MFNG: variants seen among roughly 807,000 people sequenced by gnomAD.
MFNG encodes the protein MFNG O-fucosylpeptide 3-beta-N-acetylglucosaminyltransferase, also known as beta-1,3-N-acetylglucosaminyltransferase manic fringe.
A neutral mutation model predicts 34.2 loss-of-function variants in MFNG; 24 were observed. That is an observed-to-expected ratio of 0.70 (90% CI 0.51 to 0.99). MFNG has a LOEUF of 0.99. Among genes scored for constraint, MFNG ranks in the 50% least tolerant of loss-of-function variants. The probability of loss-of-function intolerance (pLI) is 0.00; values close to 1 mark genes in which losing one functional copy is unlikely to be tolerated. For synonymous variants in MFNG, 158 were observed against 179.2 expected, an observed-to-expected ratio of 0.88 and a Z score of 0.94; for missense variants, 383 against 424.0, an observed-to-expected ratio of 0.90 and a Z score of 0.85.
At chr22:37,480,838 A>G (rs1435568981) in intron 1 of MFNG, 69 bp from the exon 2 acceptor site, 2 of 1,387,112 alleles carry the variant, frequency 1.4e-6, no homozygotes, top group Non-Finnish European at 2.0e-6. Context: ...TCCACAGCCC[A>G]CCACCACCAG....
chr22:37,485,412 A>G lies in MFNG; in HGVS notation c.255+511T>C, dbSNP rs758214592. Among the ~76,000 whole-genome samples, 1 of 152,200 alleles carries G rather than the reference A, an allele frequency of 6.6e-6. No homozygotes were observed. Among genetic ancestry groups the G allele is most frequent in the Non-Finnish European group, 1.5e-5 (1 of 68,024 alleles). On this transcript the variant is annotated intron_variant, in intron 1 of 7. Transcript: ENST00000356998. This position sits in a 1 kb window ranked among gnomAD's most constrained non-coding sequence, Gnocchi z 5.3. ...GAAGGCCGAAGGGATGCCTCCCCCA[A>G]GAACAGACCCCACCATTCTCCTCCC...
Position 37,486,179 on chromosome 22 carries a change from G to C in MFNG, c.-2C>G, listed in dbSNP as rs1569159687. ...GCCCCGCGGGAGCCGGCACTGCATT[G>C]GTTGGCCCTGGGACCCCAGACAGCT... On this transcript the variant is annotated 5_prime_UTR_variant, in exon 1 of 8. Coordinates refer to ENST00000356998, the MANE Select transcript of MFNG (RefSeq NM_002405.4). 2.6e-6 allele frequency: 4 copies of C among 1,556,842 alleles called. No individual in the cohort carries two copies. The highest frequency in any genetic ancestry group is 2.3e-5 in the South Asian group (2 of 85,208).
At chr22:37,471,382 G>A (rs1921793701) in intron 7 of MFNG, among the ~76,000 whole-genome samples, 2 of 152,242 alleles carry the variant, frequency 1.3e-5, no homozygotes, top group South Asian at 4.1e-4. Flanking sequence ...CCCCATGGCT[G>A]TAGGCATGCA....
Position 37,479,328 on chromosome 22 carries a change from G to A in MFNG, c.561+17C>T. Reference sequence around the variant, plus strand: ...GATCAGCGGGCCAAGGGGCAAAGGAGGAGGAGAGGGACCCACCGTGCGGTT... The same window carrying A: ...GATCAGCGGGCCAAGGGGCAAAGGAAGAGGAGAGGGACCCACCGTGCGGTT... On this transcript the variant is annotated intron_variant, in intron 4 of 7. Transcript: ENST00000356998. 1 of 1,551,412 alleles carries A rather than the reference G, an allele frequency of 6.4e-7. No individual in the cohort carries two copies. Among genetic ancestry groups the A allele is most frequent in the Non-Finnish European group, 8.7e-7 (1 of 1,149,530 alleles).
Position 37,472,426 on chromosome 22 carries a change from C to G in MFNG, c.899+17G>C, listed in dbSNP as rs1601793339. The G allele has an allele frequency of 1.9e-6, 3 of 1,560,110 alleles. No individual in the cohort carries two copies. In the East Asian group the frequency reaches 7.4e-5, roughly 38 times the overall value. On this transcript the variant is annotated intron_variant, in intron 7 of 7. Coordinates refer to ENST00000356998, the MANE Select transcript of MFNG (RefSeq NM_002405.4). ...GCCCCCACTCCTCCCATCCAAGGTT[C>G]CAGCCCCCAGACCCACCTGGAGGGG... is the stretch of plus-strand genomic sequence containing the variant.
intron 1 of MFNG, among the ~76,000 whole-genome samples, chr22:37,481,872 T>C (rs1033675117): frequency 6.6e-6 from 1 of 152,214 alleles, no homozygotes; most frequent in Non-Finnish European, 1.5e-5. Context: ...TCCCCTCTGC[T>C]TACCTAAAAT....
intron 1 of MFNG, 66 bp from the exon 2 acceptor site, chr22:37,480,835 CCCA>C: frequency 1.4e-6 from 2 of 1,407,612 alleles, no homozygotes; most frequent in Non-Finnish European, 2.0e-6. Context: ...CAATCCACAG[CCCA>C]CCACCACCAG....
intron 7 of MFNG, among the ~76,000 whole-genome samples, chr22:37,470,497 C>A (rs1411057418): frequency 6.6e-6 from 1 of 152,240 alleles, no homozygotes; most frequent in African/African-American, 2.4e-5. Flanking sequence ...AACAGCAATT[C>A]TTAAACCTCT....
Position 37,485,016 on chromosome 22 carries a change from C to T in MFNG, c.255+907G>A, listed in dbSNP as rs1051227710. Among the ~76,000 whole-genome samples, 3 of 152,144 alleles carry T rather than the reference C, an allele frequency of 2.0e-5. No individual in the cohort carries two copies. The highest frequency in any genetic ancestry group is 4.4e-5 in the Non-Finnish European group (3 of 68,022). ...GTGTGTGTACCCATTCTCCACCTCC[C>T]CCATCAACGGTCCCTAACACCGACA... On this transcript the variant is annotated intron_variant, in intron 1 of 7. Coordinates refer to ENST00000356998, the MANE Select transcript of MFNG (RefSeq NM_002405.4). This position sits in a 1 kb window ranked among gnomAD's most constrained non-coding sequence, Gnocchi z 5.3.
At chr22:37,470,251 T>A (rs1362263304) in intron 7 of MFNG, among the ~76,000 whole-genome samples, 1 of 152,184 alleles carries the variant, frequency 6.6e-6, no homozygotes, top group Non-Finnish European at 1.5e-5. Flanking sequence ...TCCAGTAGCA[T>A]CTTCCTGAAT....
rs1040337823 is a variant in MFNG at position 37,482,900 on chromosome 22, C to T, written c.256-2131G>A. Among the ~76,000 whole-genome samples the T allele has an allele frequency of 1.3e-5, 2 of 152,212 alleles. No homozygotes were observed. Among genetic ancestry groups the T allele is most frequent in the Admixed American group, 1.3e-4 (2 of 15,276 alleles). On this transcript the variant is annotated intron_variant, in intron 1 of 7. Coordinates refer to ENST00000356998, the MANE Select transcript of MFNG (RefSeq NM_002405.4). This position sits in a 1 kb window ranked among gnomAD's most constrained non-coding sequence, Gnocchi z 4.1. The stretch of plus-strand genomic sequence containing the variant: ...GAAATGGTGGTGGTCCAAGCCTAGA[C>T]CCTGGTCCGCTTCTCCATGAAGCCC...
At position 37,483,729 on chromosome 22, in the gene MFNG, T is replaced by G. The variant is rs949552889; in HGVS notation, c.255+2194A>C. Among the ~76,000 whole-genome samples, 1 of 151,918 alleles carries G rather than the reference T, an allele frequency of 6.6e-6. No homozygotes were observed. The highest frequency in any genetic ancestry group is 2.4e-5 in the African/African-American group (1 of 41,334). On this transcript the variant is annotated intron_variant, in intron 1 of 7. Coordinates refer to ENST00000356998, the MANE Select transcript of MFNG (RefSeq NM_002405.4). This position sits in a 1 kb window ranked among gnomAD's most constrained non-coding sequence, Gnocchi z 4.5. Reference sequence around the variant, plus strand: ...CGGAGGTTGCAGTGAGCCAGGATCGTGCCACTGCACTCCAGCCTGGAAAAC... The same window carrying G: ...CGGAGGTTGCAGTGAGCCAGGATCGGGCCACTGCACTCCAGCCTGGAAAAC...
chr22:37,477,701 C>T (rs184955522), intron 4 of MFNG, among the ~76,000 whole-genome samples: 66 of 152,258 alleles, frequency 4.3e-4, no homozygotes, highest in Admixed American at 3.6e-3. Flanking sequence ...TCACCTGCCT[C>T]GGCCTCCCAA....
At chr22:37,484,917 C>T (rs1922472235) in intron 1 of MFNG, among the ~76,000 whole-genome samples, 1 of 152,174 alleles carries the variant, frequency 6.6e-6, no homozygotes, top group Non-Finnish European at 1.5e-5. Context: ...TCTCGACTAT[C>T]TCCAAAGACT....
chr22:37,485,141 CTT>C lies in MFNG; in HGVS notation c.255+780_255+781del, dbSNP rs1012836261. Among the ~76,000 whole-genome samples the C allele has an allele frequency of 5.9e-5, 9 of 152,110 alleles. No individual in the cohort carries two copies. The highest frequency in any genetic ancestry group is 2.2e-4 in the African/African-American group (9 of 41,410). ...GCACAGCCATGTGACAGACATGCCT[CTT>C]GTCACACACATCTAGCACACTCCAG... is the stretch of plus-strand genomic sequence containing the variant. On this transcript the variant is annotated intron_variant, in intron 1 of 7. Coordinates refer to ENST00000356998, the MANE Select transcript of MFNG (RefSeq NM_002405.4). The surrounding 1 kb of genome is among the most constrained non-coding windows in gnomAD (Gnocchi z 5.3).
chr22:37,470,098 G>A, intron 7 of MFNG, 69 bp from the exon 8 acceptor site: 1 of 1,231,970 alleles, frequency 8.1e-7, no homozygotes, highest in Non-Finnish European at 1.2e-6. Context: ...TCTCCTAGGT[G>A]CACACATGCC....
intron 7 of MFNG, among the ~76,000 whole-genome samples, chr22:37,470,714 G>A (rs1263773728): frequency 2.0e-5 from 3 of 152,216 alleles, no homozygotes; most frequent in Non-Finnish European, 4.4e-5. Context: ...CAGCACTGCA[G>A]AACGTCAGGG....
chr22:37,479,551 G>A, intron 3 of MFNG, 53 bp from the exon 4 acceptor site: 1 of 1,601,032 alleles, frequency 6.2e-7, no homozygotes, highest in Non-Finnish European at 8.5e-7. Context: ...CCAAGCCAGG[G>A]TCCCCAAGCA....
At chr22:37,477,891 G>T (rs1004631094) in intron 4 of MFNG, among the ~76,000 whole-genome samples, 4 of 152,152 alleles carry the variant, frequency 2.6e-5, no homozygotes, top group Non-Finnish European at 5.9e-5. Flanking sequence ...TCACAGATTA[G>T]GAAACTGAGG....
Sources: gnomAD v4.1 joint callset for allele counts (sites outside exome capture counted in the v4.1 genomes callset) on GRCh38, gnomAD v4.1.1 for gene constraint, Gnocchi (gnomAD v3.1) non-coding constraint, MANE v1.5 for transcripts, NCBI Gene and HGNC (gene_info 2026-07-23, HGNC 2026-07-21) for gene names.